Variants in VPS13B observed in about 807,000 individuals in gnomAD.
VPS13B encodes intermembrane lipid transfer protein VPS13B.
A neutral mutation model predicts 426.4 loss-of-function variants in VPS13B; 285 were observed. That is an observed-to-expected ratio of 0.67 (90% CI 0.61 to 0.74). The LOEUF is 0.74. Ranked by LOEUF, VPS13B falls within the 30% of genes least tolerant of loss-of-function variation. The pLI is 0.00. For missense variants in VPS13B, 4,537 were observed against 4,782.6 expected (o/e 0.95, Z 1.51); for synonymous variants, 1,676 against 1,676.4 (o/e 1.00, Z 0.01).
At chr8:99,354,522 A>G (rs1812078599) in intron 19 of VPS13B, among the ~76,000 whole-genome samples, 1 of 151,670 alleles carries the variant, frequency 6.6e-6, no homozygotes, top group African/African-American at 2.4e-5. Context: ...AAAGCATGTC[A>G]AAATTGGATT....
chr8:99,059,924 C>G (rs191466468), intron 3 of VPS13B, among the ~76,000 whole-genome samples: 1 of 151,372 alleles, frequency 6.6e-6, no homozygotes, highest in Non-Finnish European at 1.5e-5. Context: ...TTCGTAGAGA[C>G]GGGGTTTCAG....
intron 17 of VPS13B, among the ~76,000 whole-genome samples, chr8:99,202,557 A>G (rs563620924): frequency 5.4e-4 from 82 of 152,364 alleles, no homozygotes; most frequent in African/African-American, 1.9e-3. Flanking sequence ...AGTAATTAAC[A>G]GCCTACCAAT....
chr8:99,308,961 G>T (rs568758171), intron 19 of VPS13B, among the ~76,000 whole-genome samples: 1 of 152,128 alleles, frequency 6.6e-6, no homozygotes, highest in African/African-American at 2.4e-5. Context: ...ATGTGTCTGT[G>T]GGCTGCATAC....
At chr8:99,219,993 T>A (rs1815618143) in intron 17 of VPS13B, among the ~76,000 whole-genome samples, 1 of 152,178 alleles carries the variant, frequency 6.6e-6, no homozygotes, top group Admixed American at 6.5e-5. Flanking sequence ...TCCATAAAAC[T>A]GGTGTTGGGC....
intron 39 of VPS13B, among the ~76,000 whole-genome samples, chr8:99,750,231 T>G (rs1588681442): frequency 6.6e-6 from 1 of 152,118 alleles, no homozygotes; most frequent in African/African-American, 2.4e-5. Flanking sequence ...AGCAAACACA[T>G]TGTGGACATT....
intron 17 of VPS13B, among the ~76,000 whole-genome samples, chr8:99,200,923 C>A (rs1407575653): frequency 6.6e-6 from 1 of 151,878 alleles, no homozygotes; most frequent in African/African-American, 2.4e-5. Flanking sequence ...ACCTTGTTAT[C>A]ATTTAGAAAT....
intron 36 of VPS13B, among the ~76,000 whole-genome samples, chr8:99,711,748 A>G (rs1282158683): frequency 1.3e-5 from 2 of 152,252 alleles, no homozygotes; most frequent in African/African-American, 4.8e-5. Context: ...CTGAGATTGC[A>G]GACCTTGAAG....
chr8:99,102,998 T>G lies in VPS13B; in HGVS notation c.458T>G (p.Ile153Ser). The G allele has an allele frequency of 6.2e-7, 1 of 1,612,532 alleles. No homozygotes were observed. Among genetic ancestry groups the G allele is most frequent in the Non-Finnish European group, 8.5e-7 (1 of 1,178,672 alleles). Residue 153 changes from isoleucine to serine, a missense_variant, in exon 5 of 62, where the codon ATT becomes AGT. Transcript: ENST00000357162. ...AGACGAGTTGTAAATAATGTAAACATTGTGATAAATAATCTCATACTAAAA... is the reference window on the plus strand; with the variant it reads ...AGACGAGTTGTAAATAATGTAAACAGTGTGATAAATAATCTCATACTAAAA... ...LIRRVVNNVN[I>S]VINNLILKYV...
At chr8:99,195,064 C>T (rs1267417010) in intron 17 of VPS13B, among the ~76,000 whole-genome samples, 1 of 152,086 alleles carries the variant, frequency 6.6e-6, no homozygotes, top group Non-Finnish European at 1.5e-5. Context: ...CTAGGATGGT[C>T]TCTATCTCTT....
chr8:99,814,883 T>C (rs1376020437), intron 44 of VPS13B, among the ~76,000 whole-genome samples: 1 of 152,168 alleles, frequency 6.6e-6, no homozygotes, highest in Admixed American at 6.5e-5. Context: ...TAACTTTTCT[T>C]AATGAGTAGA....
At chr8:99,089,963 G>C (rs1364350017) in intron 3 of VPS13B, among the ~76,000 whole-genome samples, 1 of 152,130 alleles carries the variant, frequency 6.6e-6, no homozygotes, top group Non-Finnish European at 1.5e-5. Context: ...GCTACAAAAA[G>C]TCTTAAGATT....
At chr8:99,671,131 A>G (rs1411695384) in intron 35 of VPS13B, among the ~76,000 whole-genome samples, 2 of 152,154 alleles carry the variant, frequency 1.3e-5, no homozygotes, top group Non-Finnish European at 2.9e-5. Flanking sequence ...TTTTCTCCAC[A>G]TCCTTGCCAA....
rs1337167581 is a variant in VPS13B, at chr8:99,360,231, T to C, written c.2825-23977T>C. ...CTCTCTTTCTTTCTTTCTTTCTTTC[T>C]TTCTCTCTCTCCTTCCTTCCTTCCT... On this transcript the variant is annotated intron_variant, in intron 19 of 61. Coordinates refer to ENST00000357162, the MANE Select transcript of VPS13B (RefSeq NM_152564.5). 2.6e-4 allele frequency among the ~76,000 whole-genome samples: 24 copies of C among 91,354 alleles called. 1 individual carries two copies. The highest frequency in any genetic ancestry group is 1.0e-3 in the African/African-American group (22 of 22,076). 59.9% of individuals were successfully genotyped at this position (91,354 alleles called of 152,430 possible).
chr8:99,685,655 A>G (rs1485002683), intron 35 of VPS13B, among the ~76,000 whole-genome samples: 3 of 152,186 alleles, frequency 2.0e-5, no homozygotes, highest in Admixed American at 6.5e-5. Flanking sequence ...TCTTCAGTAT[A>G]TCAGTTGCAT....
intron 33 of VPS13B, 21 bp from the exon 34 acceptor site, chr8:99,641,790 T>G: frequency 5.6e-6 from 9 of 1,597,604 alleles, no homozygotes; most frequent in Non-Finnish European, 4.3e-6. Flanking sequence ...TTTGAAATAT[T>G]TTATTACTTT....
chr8:99,126,783 A>C (rs778098206), intron 8 of VPS13B, among the ~76,000 whole-genome samples: 1 of 152,118 alleles, frequency 6.6e-6, no homozygotes, highest in Non-Finnish European at 1.5e-5. Flanking sequence ...TTTCTTTGGG[A>C]TATGCTTCTT....
At chr8:99,342,612 A>G (rs76372579) in intron 19 of VPS13B, among the ~76,000 whole-genome samples, 3,672 of 152,246 alleles carry the variant, frequency 0.024, 140 homozygotes, top group African/African-American at 0.082. Flanking sequence ...TCTATTGTGT[A>G]TATATACTGC....
At chr8:99,041,654 C>T (rs1018504263) in intron 3 of VPS13B, among the ~76,000 whole-genome samples, 1 of 152,088 alleles carries the variant, frequency 6.6e-6, no homozygotes. Flanking sequence ...GAGATAGAGA[C>T]CACCCTGGCT....
At chr8:99,374,638 A>T (rs963361394) in intron 19 of VPS13B, among the ~76,000 whole-genome samples, 4 of 152,204 alleles carry the variant, frequency 2.6e-5, no homozygotes, top group African/African-American at 7.2e-5. Flanking sequence ...TATGATAAAT[A>T]ATGTTTATGT....
Sources: gnomAD v4.1 joint callset for allele counts (sites outside exome capture counted in the v4.1 genomes callset) on GRCh38, gnomAD v4.1.1 for gene constraint, MANE v1.5 for transcripts, NCBI Gene and HGNC (gene_info 2026-07-23, HGNC 2026-07-21) for gene names.